The following RIC1 variants were observed in gnomAD, a reference collection of about 807,000 sequenced individuals.
RIC1 encodes the protein guanine nucleotide exchange factor subunit RIC1.
A neutral mutation model predicts 169.0 loss-of-function variants in RIC1; 88 were observed. The ratio of observed to expected loss-of-function variants is 0.52; its 90% CI spans 0.44 to 0.62. RIC1 has a LOEUF of 0.62. Among genes scored for constraint, RIC1 ranks in the 20% least tolerant of loss-of-function variants. The pLI is 0.00. For synonymous variants in RIC1, 790 were observed against 601.5 expected, an observed-to-expected ratio of 1.31 and a Z score of -4.59; for missense variants, 1,877 against 1,725.5, an observed-to-expected ratio of 1.09 and a Z score of -1.56.
intron 21 of RIC1, among the ~76,000 whole-genome samples, chr9:5,767,086 T>A (rs952222450): frequency 5.3e-5 from 8 of 152,236 alleles, no homozygotes. Flanking sequence ...AACAAACTTT[T>A]AAATTACCTC....
intron 4 of RIC1, among the ~76,000 whole-genome samples, chr9:5,717,097 A>C (rs1823292688): frequency 6.6e-6 from 1 of 152,188 alleles, no homozygotes; most frequent in East Asian, 1.9e-4. Flanking sequence ...TCCAATATCA[A>C]GATTATCTAT....
At chr9:5,717,955 C>T (rs934534866) in intron 4 of RIC1, among the ~76,000 whole-genome samples, 3 of 151,326 alleles carry the variant, frequency 2.0e-5, no homozygotes, top group African/African-American at 7.3e-5. Flanking sequence ...GCCTGGCCAA[C>T]ACGGCGAAAC....
Position 5,763,127 on chromosome 9 carries a change from T to G in RIC1, c.2113-13T>G. ...ATAGGAAAACAACTTGATTCTTGTC[T>G]CTCCTTCTCCAGCTGCCATTCTGTC... On this transcript the variant is annotated splice_polypyrimidine_tract_variant and intron_variant, in intron 18 of 25. Transcript: ENST00000414202. This position sits in a 1 kb window ranked among gnomAD's most constrained non-coding sequence, Gnocchi z 5.2. 1 of 1,608,274 alleles carries G rather than the reference T, an allele frequency of 6.2e-7. No homozygotes were observed. Among genetic ancestry groups the G allele is most frequent in the East Asian group, 2.2e-5 (1 of 44,750 alleles).
chr9:5,650,685 C>T (rs372056954), intron 1 of RIC1, among the ~76,000 whole-genome samples: 14 of 152,168 alleles, frequency 9.2e-5, no homozygotes, highest in African/African-American at 3.4e-4. Flanking sequence ...GATGGGGTTA[C>T]TGTCAGTGGC....
chr9:5,666,092 G>A (rs1044648034), intron 2 of RIC1, among the ~76,000 whole-genome samples: 4 of 152,138 alleles, frequency 2.6e-5, no homozygotes, highest in Non-Finnish European at 5.9e-5. Flanking sequence ...GTCCTGGGGG[G>A]AAATTAGAGC....
At chr9:5,652,334 A>G (rs986570741) in intron 1 of RIC1, among the ~76,000 whole-genome samples, 3 of 152,190 alleles carry the variant, frequency 2.0e-5, no homozygotes, top group South Asian at 2.1e-4. Flanking sequence ...AATTTTTCCA[A>G]TCTATAAACA....
chr9:5,632,257 G>A (rs188085003), intron 1 of RIC1, among the ~76,000 whole-genome samples: 79 of 152,308 alleles, frequency 5.2e-4, no homozygotes, highest in African/African-American at 1.9e-3. Context: ...TCGTTTAGTA[G>A]TCTAAGCTGG....
At chr9:5,632,000 A>C (rs1416932862) in intron 1 of RIC1, among the ~76,000 whole-genome samples, 1 of 152,210 alleles carries the variant, frequency 6.6e-6, no homozygotes, top group African/African-American at 2.4e-5. Context: ...GGAGCTGCTA[A>C]AAGCTTTGAT....
chr9:5,647,640 T>G (rs1818583078), intron 1 of RIC1, among the ~76,000 whole-genome samples: 2 of 152,224 alleles, frequency 1.3e-5, no homozygotes, highest in South Asian at 2.1e-4. Context: ...ACAGGTTTGT[T>G]GTTGTTGTGG....
At chr9:5,667,062 T>C (rs1819814694) in intron 2 of RIC1, among the ~76,000 whole-genome samples, 1 of 152,238 alleles carries the variant, frequency 6.6e-6, no homozygotes, top group Non-Finnish European at 1.5e-5. Flanking sequence ...TGATGGCTCA[T>C]GTCTGTAATC....
At chr9:5,665,113 T>C (rs577180963) in intron 2 of RIC1, among the ~76,000 whole-genome samples, 21 of 152,126 alleles carry the variant, frequency 1.4e-4, no homozygotes, top group Non-Finnish European at 2.6e-4. Flanking sequence ...GGAGCGTATA[T>C]ATTGAGGACA....
intron 6 of RIC1, among the ~76,000 whole-genome samples, chr9:5,731,326 C>G (rs1824360040): frequency 1.3e-5 from 2 of 151,874 alleles, no homozygotes; most frequent in South Asian, 4.2e-4. Flanking sequence ...GCTGTCTTTA[C>G]CATTTGTGAC....
At chr9:5,651,116 G>A (rs1818777477) in intron 1 of RIC1, among the ~76,000 whole-genome samples, 1 of 152,156 alleles carries the variant, frequency 6.6e-6, no homozygotes, top group Non-Finnish European at 1.5e-5. Context: ...CTAGTCTCTG[G>A]ACCCCCTCTC....
intron 3 of RIC1, among the ~76,000 whole-genome samples, chr9:5,700,362 ATT>A (rs1307995675): frequency 6.6e-6 from 1 of 151,958 alleles, no homozygotes; most frequent in Admixed American, 6.6e-5. Context: ...TTCATTTGTG[ATT>A]TTGTGTTTTC....
At chr9:5,692,505 C>T (rs1821644139) in intron 3 of RIC1, among the ~76,000 whole-genome samples, 1 of 151,844 alleles carries the variant, frequency 6.6e-6, no homozygotes. Flanking sequence ...TGATATTTTA[C>T]TTCTTTGCCA....
At chr9:5,639,653 TG>T (rs755407010) in intron 1 of RIC1, among the ~76,000 whole-genome samples, 3 of 152,224 alleles carry the variant, frequency 2.0e-5, no homozygotes, top group Non-Finnish European at 4.4e-5. Context: ...AGTTTCTGTC[TG>T]GGAGTTGGGT....
At chr9:5,730,873 T>A (rs1320751617) in intron 6 of RIC1, among the ~76,000 whole-genome samples, 1 of 152,152 alleles carries the variant, frequency 6.6e-6, no homozygotes, top group African/African-American at 2.4e-5. Flanking sequence ...TCCTGTTACA[T>A]CTCTTACCAC....
chr9:5,676,138 A>G (rs1268753700), intron 2 of RIC1, among the ~76,000 whole-genome samples: 1 of 152,166 alleles, frequency 6.6e-6, no homozygotes, highest in East Asian at 1.9e-4. Context: ...GCTGGTCTCA[A>G]TCTCCTGGAC....
chr9:5,637,450 C>T (rs1208988870), intron 1 of RIC1, among the ~76,000 whole-genome samples: 1 of 152,168 alleles, frequency 6.6e-6, no homozygotes, highest in South Asian at 2.1e-4. Flanking sequence ...AGCATTTAAC[C>T]TTCATGTTCC....
Sources: gnomAD v4.1 joint callset for allele counts (sites outside exome capture counted in the v4.1 genomes callset) on GRCh38, gnomAD v4.1.1 for gene constraint, Gnocchi (gnomAD v3.1) non-coding constraint, MANE v1.5 for transcripts, NCBI Gene and HGNC (gene_info 2026-07-23, HGNC 2026-07-21) for gene names.